The following ZFHX3 variants were observed in gnomAD, a reference collection of about 807,000 sequenced individuals.
ZFHX3 encodes the protein zinc finger homeobox 3.
In ZFHX3, 42 loss-of-function variants were observed where a neutral mutation model predicts 279.1. The ratio of observed to expected loss-of-function variants is 0.15; its 90% CI spans 0.12 to 0.19. ZFHX3 has a LOEUF of 0.19. Ranked by LOEUF, ZFHX3 falls within the 10% of genes least tolerant of loss-of-function variation. The pLI, the probability that ZFHX3 is intolerant of heterozygous loss-of-function variation, is 1.00. For synonymous variants in ZFHX3, 2,293 were observed against 1,957.8 expected, an observed-to-expected ratio of 1.17 and a Z score of -4.52; for missense variants, 4,981 against 4,754.0, an observed-to-expected ratio of 1.05 and a Z score of -1.40.
Position 72,827,060 on chromosome 16 carries a change from G to C in ZFHX3, c.3529+2719C>G, listed in dbSNP as rs1361977175. Reference sequence around the variant, plus strand: ...AGCATAAGGCAGCACATAGAGTAGGGACTTTGCAAGTGGTGGCTCCTGTTT... The same window carrying C: ...AGCATAAGGCAGCACATAGAGTAGGCACTTTGCAAGTGGTGGCTCCTGTTT... On this transcript the variant is annotated intron_variant, in intron 5 of 9. Transcript: ENST00000268489. Among the ~76,000 whole-genome samples the C allele has an allele frequency of 2.0e-5, 3 of 152,310 alleles. No homozygotes were observed. The East Asian group carries it at 5.8e-4, about 29-fold the overall frequency.
intron 1 of ZFHX3, among the ~76,000 whole-genome samples, chr16:73,774,267 C>T (rs2054052107): frequency 6.6e-6 from 1 of 152,298 alleles, no homozygotes; most frequent in East Asian, 1.9e-4. Context: ...TTACTATTCA[C>T]TGTAGAATCC....
intron 3 of ZFHX3, among the ~76,000 whole-genome samples, chr16:73,335,583 G>C (rs911557994): frequency 2.0e-5 from 3 of 152,164 alleles, no homozygotes; most frequent in African/African-American, 7.2e-5. Context: ...CGTTGCCAAT[G>C]AAGATTCATG....
intron 1 of ZFHX3, among the ~76,000 whole-genome samples, chr16:73,029,386 T>A (rs1964617063): frequency 6.6e-6 from 1 of 152,194 alleles, no homozygotes; most frequent in African/African-American, 2.4e-5. Context: ...ATGCTGCTCC[T>A]TCTACTAAAG....
At chr16:73,134,094 C>G (rs557754037) in intron 6 of ZFHX3, among the ~76,000 whole-genome samples, 1 of 152,074 alleles carries the variant, frequency 6.6e-6, no homozygotes, top group African/African-American at 2.4e-5. Context: ...GGTAGGTGTG[C>G]TTAAAAGAGG....
intron 1 of ZFHX3, among the ~76,000 whole-genome samples, chr16:72,998,573 C>A (rs1401702822): frequency 2.0e-5 from 3 of 152,208 alleles, no homozygotes; most frequent in East Asian, 1.9e-4. Context: ...ATGTGTTCCA[C>A]ACTCACAGTA....
intron 8 of ZFHX3, among the ~76,000 whole-genome samples, chr16:72,799,341 G>A (rs900356407): frequency 1.3e-5 from 2 of 152,028 alleles, no homozygotes; most frequent in African/African-American, 4.8e-5. Context: ...TCCCTACAAT[G>A]AGATCATCAC....
At chr16:73,877,124 C>G (rs759708974) in intron 1 of ZFHX3, among the ~76,000 whole-genome samples, 1 of 141,642 alleles carries the variant, frequency 7.1e-6, no homozygotes, top group Non-Finnish European at 1.5e-5. Flanking sequence ...TTCTACAAAC[C>G]CAAGTGTCAC....
chr16:73,396,715 G>A (rs527745315), intron 3 of ZFHX3, among the ~76,000 whole-genome samples: 1 of 152,248 alleles, frequency 6.6e-6, no homozygotes, highest in African/African-American at 2.4e-5. Context: ...CAGCATGGGG[G>A]AAACCACCAC....
intron 2 of ZFHX3, among the ~76,000 whole-genome samples, chr16:73,555,443 C>T (rs575832722): frequency 1.0e-3 from 154 of 152,036 alleles, no homozygotes; most frequent in African/African-American, 3.5e-3. Flanking sequence ...CGTGAGCCAC[C>T]GCGCCCGGCC....
At chr16:73,244,321 G>A (rs889557873) in intron 5 of ZFHX3, among the ~76,000 whole-genome samples, 2 of 152,018 alleles carry the variant, frequency 1.3e-5, no homozygotes, top group African/African-American at 2.4e-5. Flanking sequence ...GGTACAGGAC[G>A]CCTTCCACTG....
intron 5 of ZFHX3, among the ~76,000 whole-genome samples, chr16:73,164,527 C>T (rs1297878945): frequency 6.6e-6 from 1 of 152,112 alleles, no homozygotes; most frequent in Non-Finnish European, 1.5e-5. Flanking sequence ...TGGGGATATC[C>T]TGTCTCCACT....
intron 1 of ZFHX3, among the ~76,000 whole-genome samples, chr16:73,890,427 C>G (rs2030496008): frequency 6.6e-6 from 1 of 152,104 alleles, no homozygotes; most frequent in African/African-American, 2.4e-5. Flanking sequence ...AGCAATCATT[C>G]TCGTTTGGTT....
chr16:73,614,837 G>A (rs986316032), intron 2 of ZFHX3, among the ~76,000 whole-genome samples: 4 of 151,958 alleles, frequency 2.6e-5, no homozygotes, highest in African/African-American at 4.8e-5. Context: ...ATAGCTTACC[G>A]CAGCCTCCAC....
chr16:73,174,621 C>T (rs529843220), intron 5 of ZFHX3, among the ~76,000 whole-genome samples: 1 of 152,206 alleles, frequency 6.6e-6, no homozygotes, highest in South Asian at 2.1e-4. Flanking sequence ...AGTCACATCT[C>T]CTCTTGCTGG....
At chr16:73,302,615 T>C (rs1169192167) in intron 4 of ZFHX3, among the ~76,000 whole-genome samples, 3 of 152,244 alleles carry the variant, frequency 2.0e-5, no homozygotes, top group Non-Finnish European at 2.9e-5. Flanking sequence ...TAACCTCCAG[T>C]TGGCCTGGAG....
intron 3 of ZFHX3, among the ~76,000 whole-genome samples, chr16:73,442,032 C>G (rs930626289): frequency 4.6e-5 from 7 of 152,128 alleles, no homozygotes; most frequent in Non-Finnish European, 8.8e-5. Context: ...CTCCCCTTCT[C>G]CAGAGAGACC....
intron 1 of ZFHX3, among the ~76,000 whole-genome samples, chr16:73,715,211 G>A (rs967100636): frequency 2.0e-5 from 3 of 152,040 alleles, no homozygotes; most frequent in African/African-American, 7.2e-5. Flanking sequence ...ACCTCAACAT[G>A]GGTTGAGACC....
intron 5 of ZFHX3, among the ~76,000 whole-genome samples, chr16:73,184,119 C>G (rs1331120837): frequency 1.3e-5 from 2 of 152,096 alleles, no homozygotes; most frequent in Non-Finnish European, 2.9e-5. Flanking sequence ...TATATGGGCT[C>G]TTTCGGGTTG....
intron 5 of ZFHX3, among the ~76,000 whole-genome samples, chr16:73,173,725 C>G (rs986472881): frequency 6.6e-6 from 1 of 152,260 alleles, no homozygotes; most frequent in African/African-American, 2.4e-5. Flanking sequence ...AGGAAACTCA[C>G]CAGGCTCCGA....
Sources: gnomAD v4.1 joint callset for allele counts (sites outside exome capture counted in the v4.1 genomes callset) on GRCh38, gnomAD v4.1.1 for gene constraint, MANE v1.5 for transcripts, NCBI Gene and HGNC (gene_info 2026-07-23, HGNC 2026-07-21) for gene names.